Variants in EFCAB5 observed in about 807,000 individuals in gnomAD.
The protein encoded by EFCAB5 is EF-hand calcium binding domain 5.
Under a neutral mutation model 167.9 loss-of-function variants are expected in EFCAB5, and 131 were observed. That is an observed-to-expected ratio of 0.78 (90% CI 0.68 to 0.90). EFCAB5 has a LOEUF of 0.90. Ranked by LOEUF, EFCAB5 falls within the 40% of genes least tolerant of loss-of-function variation. The pLI, the probability that EFCAB5 is intolerant of heterozygous loss-of-function variation, is 0.00. For missense variants in EFCAB5, 1,663 were observed against 1,745.2 expected, an observed-to-expected ratio of 0.95 and a Z score of 0.84; for synonymous variants, 574 against 602.8, an observed-to-expected ratio of 0.95 and a Z score of 0.70.
chr17:30,083,152 G>A, intron 18 of EFCAB5, 109 bp downstream of exon 18: 1 of 1,363,410 alleles, frequency 7.3e-7, no homozygotes, highest in East Asian at 2.7e-5. Flanking sequence ...TCTAAAGGAA[G>A]ACAGATTTCC....
rs544369485 is a variant in EFCAB5 at position 30,069,319 on chromosome 17, A to G, written c.2738-8896A>G. The stretch of plus-strand genomic sequence containing the variant: ...GTGAAGATGAGTTATCCCCAGAAGA[A>G]ATACAAATGTTTGAACAGGAAAATC... On this transcript the variant is annotated intron_variant, in intron 14 of 22. Transcript: ENST00000394835. 120 of 1,531,204 alleles carry G rather than the reference A, an allele frequency of 7.8e-5. 1 individual carries two copies. In the East Asian group the frequency reaches 2.7e-3, roughly 34 times the overall value. 94.9% of individuals were successfully genotyped at this position (1,531,204 alleles called of 1,614,324 possible).
At chr17:29,950,305 TTCCTTCCC>T (rs1271573007) in intron 3 of EFCAB5, among the ~76,000 whole-genome samples, 1 of 151,756 alleles carries the variant, frequency 6.6e-6, no homozygotes, top group African/African-American at 2.4e-5. Flanking sequence ...CCTCTCTTCC[TTCCTTCCC>T]TCCTTCCCTC....
intron 14 of EFCAB5, 99 bp downstream of exon 14, chr17:30,059,800 C>A: frequency 2.2e-6 from 2 of 909,310 alleles, no homozygotes; most frequent in Non-Finnish European, 1.5e-6. Context: ...ATGCTAAAAC[C>A]ACTAGATAAC....
chr17:30,057,547 C>T, intron 12 of EFCAB5, 129 bp from the exon 13 acceptor site: 1 of 740,962 alleles, frequency 1.3e-6, no homozygotes, highest in African/African-American at 1.8e-5. Flanking sequence ...AGGATGCTGT[C>T]CTCATGAAGG....
chr17:30,073,528 G>A, intron 14 of EFCAB5: 1 of 571,878 alleles, frequency 1.7e-6, no homozygotes, highest in Non-Finnish European at 3.2e-6. Context: ...TTTGATGCAT[G>A]TGGTCCATTT....
intron 8 of EFCAB5, among the ~76,000 whole-genome samples, chr17:30,042,991 A>G (rs2069816139): frequency 6.6e-6 from 1 of 152,148 alleles, no homozygotes; most frequent in African/African-American, 2.4e-5. Context: ...TAACATTCAA[A>G]AATCAGAGCT....
At chr17:30,099,120 G>A (rs2071345582) in intron 22 of EFCAB5, among the ~76,000 whole-genome samples, 1 of 152,180 alleles carries the variant, frequency 6.6e-6, no homozygotes, top group Non-Finnish European at 1.5e-5. Flanking sequence ...TTGTTTACAA[G>A]TTTTTGTGTA....
chr17:30,095,899 GA>G (rs2071280043), intron 22 of EFCAB5, among the ~76,000 whole-genome samples: 1 of 152,174 alleles, frequency 6.6e-6, no homozygotes, highest in Non-Finnish European at 1.5e-5. Context: ...CCCTCTTAAG[GA>G]AAAAACTTGC....
At chr17:29,969,720 A>C (rs2067910771) in intron 4 of EFCAB5, among the ~76,000 whole-genome samples, 1 of 152,166 alleles carries the variant, frequency 6.6e-6, no homozygotes, top group South Asian at 2.1e-4. Flanking sequence ...AATATGTAAA[A>C]AAAGTTATAT....
At chr17:30,081,913 G>A (rs182649364) in intron 17 of EFCAB5, among the ~76,000 whole-genome samples, 4 of 152,310 alleles carry the variant, frequency 2.6e-5, no homozygotes, top group Admixed American at 2.6e-4. Flanking sequence ...TTATACATTG[G>A]CACTCTAGCC....
chr17:30,037,322 A>G (rs1218059572), intron 8 of EFCAB5, among the ~76,000 whole-genome samples: 1 of 152,172 alleles, frequency 6.6e-6, no homozygotes, highest in Non-Finnish European at 1.5e-5. Context: ...TACCCCCAAG[A>G]AGACACCTGG....
Position 30,078,210 on chromosome 17 carries a change from T to C in EFCAB5, c.2738-5T>C. The C allele has an allele frequency of 6.2e-7, 1 of 1,604,070 alleles. No homozygotes were observed. Among genetic ancestry groups the C allele is most frequent in the South Asian group, 1.1e-5 (1 of 90,106 alleles). On this transcript the variant is annotated splice_region_variant and splice_polypyrimidine_tract_variant and intron_variant, in intron 14 of 22. Coordinates refer to ENST00000394835, the MANE Select transcript of EFCAB5 (RefSeq NM_198529.4). ...AGTTCTTGGTTTCGTGTTTGTGTCTTTTAGCTAAACTACACATCCAATTTC... is the reference window on the plus strand; with the variant it reads ...AGTTCTTGGTTTCGTGTTTGTGTCTCTTAGCTAAACTACACATCCAATTTC...
At chr17:30,068,077 G>A (rs567853258) in intron 14 of EFCAB5, among the ~76,000 whole-genome samples, 13 of 152,298 alleles carry the variant, frequency 8.5e-5, no homozygotes, top group Middle Eastern at 3.4e-3. Flanking sequence ...AGGCGGAGGC[G>A]GGTGGATCAC....
chr17:30,037,028 C>G (rs1198351144), intron 8 of EFCAB5, among the ~76,000 whole-genome samples: 2 of 152,056 alleles, frequency 1.3e-5, no homozygotes, highest in Admixed American at 6.6e-5. Context: ...TATTGATACC[C>G]CTGGAAATTC....
chr17:30,031,197 C>G (rs2069470871), intron 7 of EFCAB5, among the ~76,000 whole-genome samples: 1 of 152,164 alleles, frequency 6.6e-6, no homozygotes, highest in Non-Finnish European at 1.5e-5. Context: ...TACCCCAGAT[C>G]ATGTAGTTCA....
chr17:30,040,292 T>C (rs941954736), intron 8 of EFCAB5, among the ~76,000 whole-genome samples: 1 of 152,218 alleles, frequency 6.6e-6, no homozygotes, highest in African/African-American at 2.4e-5. Flanking sequence ...GTTTCTCCAA[T>C]GACAAGGGGA....
At chr17:29,936,196 G>T (rs936940198) in intron 1 of EFCAB5, among the ~76,000 whole-genome samples, 2 of 151,926 alleles carry the variant, frequency 1.3e-5, no homozygotes, top group African/African-American at 2.4e-5. Context: ...CTGAGCAAAC[G>T]ATCGCAAGGA....
chr17:30,063,813 T>C (rs2070489600), intron 14 of EFCAB5, among the ~76,000 whole-genome samples: 1 of 152,128 alleles, frequency 6.6e-6, no homozygotes, highest in South Asian at 2.1e-4. Flanking sequence ...CCAAAAGCCC[T>C]CAACATCAAG....
At chr17:30,001,081 C>T (rs2068652100) in intron 7 of EFCAB5, among the ~76,000 whole-genome samples, 3 of 152,204 alleles carry the variant, frequency 2.0e-5, no homozygotes, top group Admixed American at 2.0e-4. Flanking sequence ...AGTAAGGATT[C>T]TGGCTTAGGC....
Sources: allele counts gnomAD v4.1 joint callset (sites outside exome capture counted in the v4.1 genomes callset), GRCh38; gene constraint gnomAD v4.1.1; transcripts MANE v1.5; gene names NCBI Gene and HGNC (gene_info 2026-07-23, HGNC 2026-07-21).